ZNHIT3: variants seen among roughly 807,000 people sequenced by gnomAD.
ZNHIT3 encodes the protein zinc finger HIT-type containing 3, also known as zinc finger HIT domain-containing protein 3.
A neutral mutation model predicts 19.9 loss-of-function variants in ZNHIT3; 27 were observed. That is an observed-to-expected ratio of 1.36 (90% CI 1.00 to 1.87). The LOEUF (loss-of-function observed/expected upper bound fraction) is 1.87. ZNHIT3 is among the 40% of genes most tolerant of loss of function. ZNHIT3 has a pLI of 0.00. For synonymous variants in ZNHIT3, 81 were observed against 65.7 expected (o/e 1.23, Z -1.13); for missense variants, 215 against 185.6 (o/e 1.16, Z -0.92).
At chr17:36,486,899 C>T in intron 1 of ZNHIT3, 36 bp from the exon 2 acceptor site, 2 of 1,598,374 alleles carry the variant, frequency 1.3e-6, no homozygotes, top group Non-Finnish European at 1.7e-6. Context: ...CGGGGACCCT[C>T]GGGGCTGACG....
chr17:36,491,836 A>G (rs1419293679), intron 2 of ZNHIT3: 1 of 152,230 alleles, frequency 6.6e-6, no homozygotes, highest in Non-Finnish European at 1.5e-5. Flanking sequence ...CACATATAGC[A>G]TAGCCGTAAA....
intron 2 of ZNHIT3, among the ~76,000 whole-genome samples, chr17:36,488,646 A>G (rs1164469078): frequency 6.9e-6 from 1 of 144,170 alleles, no homozygotes; most frequent in African/African-American, 2.4e-5. Flanking sequence ...TGGTACGACC[A>G]TTATTTATAT....
chr17:36,496,500 G>A (rs111254618), downstream of ZNHIT3: 673 of 1,164,084 alleles, frequency 5.8e-4, 4 homozygotes, highest in African/African-American at 8.1e-3. Flanking sequence ...ATGCAAGAAG[G>A]TATGGACAAG....
Position 36,486,768 on chromosome 17 carries a change from A to T in ZNHIT3, c.69A>T (p.Pro23=). The change falls in exon 1 of 5, where the codon CCA becomes CCT. Residue 23 remains proline, a synonymous_variant. Transcript: ENST00000617429. ...TGGAGAAGCCCAAATACCGCTGTCC[A>T]GCCTGCCGCGTGCCCTAGTGAGCGG... is the stretch of plus-strand genomic sequence containing the variant. ...ICLEKPKYRC[P]ACRVPYCSVV... 6.2e-7 allele frequency: 1 copy of T among 1,612,124 alleles called. No individual in the cohort carries two copies. The highest frequency in any genetic ancestry group is 8.5e-7 in the Non-Finnish European group (1 of 1,179,224).
At chr17:36,496,350 A>C, downstream of ZNHIT3, 1 of 1,614,008 alleles carries the variant, frequency 6.2e-7, no homozygotes, top group Non-Finnish European at 8.5e-7. Context: ...GTGAAGGTTC[A>C]GGGCAGATGT....
At chr17:36,486,830 A>G in intron 1 of ZNHIT3, 45 bp downstream of exon 1, 1 of 997,596 alleles carries the variant, frequency 1.0e-6, no homozygotes, top group Non-Finnish European at 1.4e-6. Flanking sequence ...GTGTCCGGCC[A>G]TGGCGGGAGG....
chr17:36,496,150 T>C (rs1599168655), downstream of ZNHIT3: 1 of 1,465,616 alleles, frequency 6.8e-7, no homozygotes, highest in Non-Finnish European at 9.4e-7. Flanking sequence ...TCATGTGCAT[T>C]TGGAGCACTG....
At chr17:36,499,007 C>G (rs563088078), downstream of ZNHIT3, 19 of 1,283,480 alleles carry the variant, frequency 1.5e-5, no homozygotes, top group South Asian at 2.4e-4. Flanking sequence ...AGCCAGCATT[C>G]CCACTCGGGT....
chr17:36,495,902 C>CTGTT, downstream of ZNHIT3: 1 of 1,206,202 alleles, frequency 8.3e-7, no homozygotes, highest in Non-Finnish European at 1.0e-6. Context: ...CCAACTTTGG[C>CTGTT]TGTTTTCTTC....
chr17:36,486,907 A>T, intron 1 of ZNHIT3, 28 bp from the exon 2 acceptor site: 1 of 1,603,178 alleles, frequency 6.2e-7, no homozygotes, highest in Non-Finnish European at 8.5e-7. Context: ...CTCGGGGCTG[A>T]CGCGGCCTGT....
rs781148422 is a variant in ZNHIT3, at chr17:36,486,792, G to A, written c.86+7G>A. On this transcript the variant is annotated splice_region_variant and intron_variant, in intron 1 of 4. Coordinates refer to ENST00000617429, the MANE Select transcript of ZNHIT3 (RefSeq NM_004773.4). The stretch of plus-strand genomic sequence containing the variant: ...CAGCCTGCCGCGTGCCCTAGTGAGC[G>A]GGGAGGTCGCGGGGTCCAGGGGCGC... 7.4e-6 allele frequency: 12 copies of A among 1,612,486 alleles called. No homozygotes were observed. The African/African-American group carries it at 1.5e-4, about 20-fold the overall frequency.
chr17:36,496,333 C>T, downstream of ZNHIT3: 2 of 1,613,946 alleles, frequency 1.2e-6, no homozygotes, highest in Non-Finnish European at 8.5e-7. Context: ...GCCTGTAATG[C>T]TGTAGGGTGA....
At chr17:36,494,056 T>TA (rs2070800521) in intron 4 of ZNHIT3, 50 bp downstream of exon 4, 1 of 1,438,092 alleles carries the variant, frequency 7.0e-7, no homozygotes, top group Non-Finnish European at 9.7e-7. Context: ...TACTGTGTTG[T>TA]AAGGATTGTG....
At chr17:36,497,489 T>A (rs140582228), downstream of ZNHIT3, 13,434 of 971,766 alleles carry the variant, frequency 0.014, 101 homozygotes, top group Non-Finnish European at 0.015. Flanking sequence ...GTGGGACTAA[T>A]TAGATTATTT....
intron 3 of ZNHIT3, among the ~76,000 whole-genome samples, chr17:36,493,651 A>G (rs540281927): frequency 5.9e-5 from 9 of 152,352 alleles, no homozygotes; most frequent in Admixed American, 3.3e-4. Flanking sequence ...GTCTAAGCCT[A>G]AAGACCACAG....
At chr17:36,492,970 T>A (rs1341145996) in intron 3 of ZNHIT3, 71 bp downstream of exon 3, 8 of 1,424,568 alleles carry the variant, frequency 5.6e-6, no homozygotes, top group East Asian at 2.3e-5. Flanking sequence ...AAGGGGAGAG[T>A]GGGGCTGGTC....
At chr17:36,496,127 C>A (rs1485083457), downstream of ZNHIT3, 15 of 1,325,162 alleles carry the variant, frequency 1.1e-5, no homozygotes, top group Admixed American at 2.9e-4. Flanking sequence ...AAGGCTGGAG[C>A]CGTCACTGTT....
At chr17:36,488,980 C>G (rs1288751814) in intron 2 of ZNHIT3, among the ~76,000 whole-genome samples, 1 of 152,212 alleles carries the variant, frequency 6.6e-6, no homozygotes. Context: ...ACACTCTACT[C>G]TTCCTAGCCT....
chr17:36,495,080 C>T lies in ZNHIT3; in HGVS notation c.287-143C>T. On this transcript the variant is annotated intron_variant, in intron 4 of 4. Transcript: ENST00000617429. ...GCTCAAGCAATCTGCCCACCTTGAC[C>T]TCCCCAGTTGCTGGTATTACAGGCA... is the stretch of plus-strand genomic sequence containing the variant. The T allele has an allele frequency of 5.1e-6, 5 of 984,988 alleles. No individual in the cohort carries two copies. In the South Asian group the frequency reaches 9.9e-5, roughly 20 times the overall value. The allele number at this position is 984,988 out of a possible 1,614,324, so 61.0% of individuals were successfully genotyped here. A position where few individuals can be genotyped will look rare whatever the true frequency, so the allele number is the denominator to read the frequency against.
Sources: allele counts gnomAD v4.1 joint callset (sites outside exome capture counted in the v4.1 genomes callset), GRCh38; gene constraint gnomAD v4.1.1; transcripts MANE v1.5; gene names NCBI Gene and HGNC (gene_info 2026-07-23, HGNC 2026-07-21).